Variants in SOX6 observed in about 807,000 individuals in gnomAD.
SOX6 encodes the protein transcription factor SOX-6.
A neutral mutation model predicts 97.8 loss-of-function variants in SOX6; 11 were observed. The observed-to-expected ratio is 0.11, with a 90% confidence interval of 0.07 to 0.19. The LOEUF (loss-of-function observed/expected upper bound fraction) is 0.19. Ranked by LOEUF, SOX6 falls within the 10% of genes least tolerant of loss-of-function variation. The probability of loss-of-function intolerance (pLI) is 1.00; values close to 1 mark genes in which losing one functional copy is unlikely to be tolerated. For missense variants in SOX6, 810 were observed against 1,039.5 expected (o/e 0.78, Z 3.04); for synonymous variants, 360 against 371.4 (o/e 0.97, Z 0.35).
At position 16,484,591 on chromosome 11, in the gene SOX6, C is replaced by G. The variant is rs1290340268; in HGVS notation, n.610-8203G>C. On this transcript the variant is annotated intron_variant and non_coding_transcript_variant, in intron 4 of 5. Coordinates refer to the SOX6 transcript ENST00000524520. ...TGGCCACCTTCACAGCCTCAGTCAC[C>G]TGGCGTGGAGGGGGCTTCCAGGTGC... The G allele has an allele frequency of 1.9e-5, 14 of 724,020 alleles. 1 individual carries two copies. In the Admixed American group the frequency reaches 2.5e-4, roughly 13 times the overall value. 44.8% of individuals were successfully genotyped at this position (724,020 alleles called of 1,614,324 possible). A position where few individuals can be genotyped will look rare whatever the true frequency, so the allele number is the denominator to read the frequency against.
At chr11:16,527,250 C>A (rs1032640243) in intron 4 of SOX6, among the ~76,000 whole-genome samples, 2 of 152,106 alleles carry the variant, frequency 1.3e-5, no homozygotes, top group Non-Finnish European at 2.9e-5. Flanking sequence ...ATCCTGGAAA[C>A]TGACAGCTTC....
chr11:15,976,581 C>T (rs1417711082), intron 15 of SOX6, among the ~76,000 whole-genome samples: 1 of 150,284 alleles, frequency 6.7e-6, no homozygotes, highest in African/African-American at 2.5e-5. Context: ...TCCGTGAGTG[C>T]CAGCCCACAG....
chr11:16,244,594 A>G (rs528454960), intron 3 of SOX6, among the ~76,000 whole-genome samples: 6 of 151,780 alleles, frequency 4.0e-5, no homozygotes, highest in Admixed American at 1.3e-4. Context: ...ATCAATTTTA[A>G]TTTATTTTGT....
intron 4 of SOX6, among the ~76,000 whole-genome samples, chr11:16,541,668 C>G (rs992009186): frequency 6.6e-6 from 1 of 152,150 alleles, no homozygotes; most frequent in Admixed American, 6.6e-5. Context: ...TGAACAGACA[C>G]TTCTCAAAAG....
At chr11:16,276,854 T>C (rs529831782) in intron 3 of SOX6, among the ~76,000 whole-genome samples, 1 of 152,338 alleles carries the variant, frequency 6.6e-6, no homozygotes, top group South Asian at 2.1e-4. Context: ...TTAATGCCAG[T>C]TTTAGCACCT....
chr11:16,303,530 G>A (rs1349958109), intron 3 of SOX6, among the ~76,000 whole-genome samples: 1 of 152,102 alleles, frequency 6.6e-6, no homozygotes, highest in Non-Finnish European at 1.5e-5. Context: ...TGTATAGTAT[G>A]CCTTAATACA....
chr11:16,336,734 T>G (rs1334339701), intron 2 of SOX6, among the ~76,000 whole-genome samples: 1 of 152,134 alleles, frequency 6.6e-6, no homozygotes, highest in African/African-American at 2.4e-5. Context: ...CTCCATAATA[T>G]CTGTAATCTG....
chr11:16,235,273 A>C (rs1312807339), intron 3 of SOX6, among the ~76,000 whole-genome samples: 2 of 152,130 alleles, frequency 1.3e-5, no homozygotes, highest in Non-Finnish European at 2.9e-5. Context: ...ATTTTTATTA[A>C]ATAAATACCT....
At chr11:16,377,510 T>C (rs1262144685) in intron 1 of SOX6, among the ~76,000 whole-genome samples, 1 of 152,084 alleles carries the variant, frequency 6.6e-6, no homozygotes, top group East Asian at 1.9e-4. Flanking sequence ...CAACCAACAT[T>C]TGTTTTTATC....
chr11:16,101,051 C>T (rs1454426120), intron 7 of SOX6, among the ~76,000 whole-genome samples: 1 of 151,634 alleles, frequency 6.6e-6, no homozygotes, highest in African/African-American at 2.4e-5. Flanking sequence ...GTGCCAGCAT[C>T]ATAAAATGAT....
chr11:16,341,359 G>C (rs769815739), intron 1 of SOX6, 107 bp from the exon 2 acceptor site: 1 of 1,459,326 alleles, frequency 6.9e-7, no homozygotes, highest in Non-Finnish European at 9.1e-7. Flanking sequence ...TTTAACTTTA[G>C]AGATATTTGT....
At chr11:16,042,087 T>G (rs1468344252) in intron 12 of SOX6, among the ~76,000 whole-genome samples, 1 of 152,118 alleles carries the variant, frequency 6.6e-6, no homozygotes, top group African/African-American at 2.4e-5. Flanking sequence ...TTCAAGAAAA[T>G]GGTAATTATC....
intron 3 of SOX6, among the ~76,000 whole-genome samples, chr11:16,253,174 C>A (rs1485951994): frequency 6.6e-6 from 1 of 152,004 alleles, no homozygotes; most frequent in Non-Finnish European, 1.5e-5. Flanking sequence ...ATGGAGAAAA[C>A]CTGTCTCTAC....
At chr11:16,199,004 C>T (rs756278480) in intron 4 of SOX6, among the ~76,000 whole-genome samples, 1 of 152,196 alleles carries the variant, frequency 6.6e-6, no homozygotes, top group Non-Finnish European at 1.5e-5. Flanking sequence ...TGACAAGGCA[C>T]AAACATGACT....
intron 3 of SOX6, among the ~76,000 whole-genome samples, chr11:16,291,345 C>T (rs1854909468): frequency 1.5e-5 from 2 of 130,924 alleles, no homozygotes; most frequent in African/African-American, 5.6e-5. Context: ...AAGTAATATC[C>T]TGCTCAATAT....
At chr11:16,537,046 C>T (rs1048343862) in intron 4 of SOX6, among the ~76,000 whole-genome samples, 4 of 152,226 alleles carry the variant, frequency 2.6e-5, no homozygotes, top group African/African-American at 7.2e-5. Flanking sequence ...AGACACCTCC[C>T]AGTAGAGGCC....
intron 4 of SOX6, among the ~76,000 whole-genome samples, chr11:16,593,168 A>G (rs1411024515): frequency 6.6e-6 from 1 of 152,220 alleles, no homozygotes; most frequent in Non-Finnish European, 1.5e-5. Flanking sequence ...CACAGAAATG[A>G]AAAATATAAT....
At chr11:16,089,269 T>C (rs1275393415) in intron 9 of SOX6, among the ~76,000 whole-genome samples, 4 of 152,120 alleles carry the variant, frequency 2.6e-5, no homozygotes, top group Non-Finnish European at 5.9e-5. Context: ...CAGTATCAAA[T>C]AATTCATGTT....
rs576853742 is a variant in SOX6, at chr11:16,051,242, G to A, written c.1252-1304C>T. Reference sequence around the variant, plus strand: ...TTTTCATATACTAGTTCATTTAACCGTCAATGACTATGAGCCTGGCCAGTA... The same window carrying A: ...TTTTCATATACTAGTTCATTTAACCATCAATGACTATGAGCCTGGCCAGTA... On this transcript the variant is annotated intron_variant, in intron 10 of 15. Coordinates refer to ENST00000683767, the MANE Select transcript of SOX6 (RefSeq NM_001367873.1). Among the ~76,000 whole-genome samples the A allele has an allele frequency of 2.3e-4, 35 of 152,186 alleles. 1 individual carries two copies. The highest frequency in any genetic ancestry group is 1.2e-3 in the South Asian group (6 of 4,822).
Sources: allele counts gnomAD v4.1 joint callset (sites outside exome capture counted in the v4.1 genomes callset), GRCh38; gene constraint gnomAD v4.1.1; transcripts MANE v1.5; gene names NCBI Gene and HGNC (gene_info 2026-07-23, HGNC 2026-07-21).